Variants in FOXO3 observed in about 807,000 individuals in gnomAD.
FOXO3 encodes the protein forkhead box O3.
A neutral mutation model predicts 41.9 loss-of-function variants in FOXO3; 4 were observed. The observed-to-expected ratio is 0.10, with a 90% CI of 0.05 to 0.22. The LOEUF (loss-of-function observed/expected upper bound fraction) is 0.22, where lower values mean the gene tolerates loss of function less well. Ranked by LOEUF, FOXO3 falls within the 10% of genes least tolerant of loss-of-function variation. FOXO3 has a pLI of 1.00. For missense variants in FOXO3, 534 were observed against 906.8 expected (o/e 0.59, Z 5.28); for synonymous variants, 318 against 389.3 (o/e 0.82, Z 2.16).
Position 108,608,495 on chromosome 6 carries a change from T to TA in FOXO3, c.621+46674dup, listed in dbSNP as rs562730480. 7.2e-5 allele frequency among the ~76,000 whole-genome samples: 11 copies of TA among 152,050 alleles called. No individual in the cohort carries two copies. In the East Asian group the frequency reaches 1.2e-3, roughly 16 times the overall value. ...GAGAACTTTGCAGAACTTTTTGGGT[T>TA]AAAAAAAACAACTACTCTTTTCTGG... On this transcript the variant is annotated intron_variant, in intron 1 of 2. Coordinates refer to ENST00000406360, the MANE Select transcript of FOXO3 (RefSeq NM_001455.4).
At position 108,664,820 on chromosome 6, in the gene FOXO3, A is replaced by C; in HGVS notation, c.1987A>C (p.Lys663Gln). 6.6e-7 allele frequency: 1 copy of C among 1,525,940 alleles called. No homozygotes were observed. The highest frequency in any genetic ancestry group is 8.8e-7 in the Non-Finnish European group (1 of 1,140,932). The allele number at this position is 1,525,940 out of a possible 1,614,324, so 94.5% of individuals were successfully genotyped here. The change falls in exon 2 of 3, where the codon AAG (lysine) becomes CAG (glutamine). Residue 663 changes from lysine (K) to glutamine (Q), a missense_variant. Around this residue, in one of 8 missense-constraint regions of FOXO3, gnomAD observed 94 missense variants for 214.4 expected, o/e 0.44. Coordinates refer to ENST00000406360, the MANE Select transcript of FOXO3 (RefSeq NM_001455.4). ...GAACGTGGGGAACTTCACTGGTGCTAAGCAGGCCTCATCTCAGAGCTGGGT... is the reference window on the plus strand; with the variant it reads ...GAACGTGGGGAACTTCACTGGTGCTCAGCAGGCCTCATCTCAGAGCTGGGT... ...GLNVGNFTGA[K>Q]QASSQSWVPG
intron 1 of FOXO3, among the ~76,000 whole-genome samples, chr6:108,661,228 T>G (rs576236521): frequency 6.6e-6 from 1 of 151,922 alleles, no homozygotes; most frequent in East Asian, 1.9e-4. Context: ...GGTGACAGAG[T>G]GGGACTCTGT....
intron 1 of FOXO3, among the ~76,000 whole-genome samples, chr6:108,601,130 C>T (rs1042842162): frequency 6.6e-6 from 1 of 151,970 alleles, no homozygotes; most frequent in African/African-American, 2.4e-5. Flanking sequence ...GCCTCAGCCT[C>T]CCCAGTAGGT....
At chr6:108,576,516 CTA>C (rs1300717415) in intron 1 of FOXO3, among the ~76,000 whole-genome samples, 2 of 152,206 alleles carry the variant, frequency 1.3e-5, no homozygotes, top group African/African-American at 4.8e-5. Flanking sequence ...TAACGTGCTG[CTA>C]GTGAAAACTG....
chr6:108,618,434 G>A, intron 1 of FOXO3: 1 of 458,796 alleles, frequency 2.2e-6, no homozygotes, highest in South Asian at 2.1e-5. Flanking sequence ...TTGAGTGCTA[G>A]ATTTTGTTGT....
intron 1 of FOXO3, among the ~76,000 whole-genome samples, chr6:108,646,926 C>T (rs1204848557): frequency 6.6e-6 from 1 of 152,140 alleles, no homozygotes; most frequent in Non-Finnish European, 1.5e-5. Flanking sequence ...CTAACTCTTC[C>T]CACTTTCCTT....
At chr6:108,600,344 A>G (rs2802294) in intron 1 of FOXO3, among the ~76,000 whole-genome samples, 149,134 of 152,036 alleles carry the variant, frequency 0.98, 73,214 homozygotes, top group East Asian at 1. Flanking sequence ...TCAGGAATTC[A>G]AGACCAGCCT....
intron 2 of FOXO3, among the ~76,000 whole-genome samples, chr6:108,665,703 C>G (rs765680434): frequency 2.6e-5 from 4 of 151,806 alleles, no homozygotes; most frequent in Admixed American, 2.6e-4. Context: ...ATACCTGTAG[C>G]CCCTGCTTCT....
At chr6:108,675,608 GA>G (rs1770556632) in intron 2 of FOXO3, among the ~76,000 whole-genome samples, 1 of 152,226 alleles carries the variant, frequency 6.6e-6, no homozygotes, top group South Asian at 2.1e-4. Context: ...TCTAGGGGTT[GA>G]AAGTTTGGCT....
In FOXO3 at chr6:108,626,617, C is replaced by CTT. The variant is rs3841314; in HGVS notation, c.622-36829_622-36828dup. Among the ~76,000 whole-genome samples the CTT allele has an allele frequency of 2.2e-3, 332 of 149,192 alleles. 2 individuals are homozygous for CTT. Among genetic ancestry groups the CTT allele is most frequent in the African/African-American group, 7.0e-3 (287 of 40,830 alleles). ...TTTCCAAGAATCACTGATTATATAG[C>CTT]TTTTTTTTTTAAGTTTAAGCCCATA... is the stretch of plus-strand genomic sequence containing the variant. On this transcript the variant is annotated intron_variant, in intron 1 of 2. Coordinates refer to ENST00000406360, the MANE Select transcript of FOXO3 (RefSeq NM_001455.4).
Position 108,660,572 on chromosome 6 carries a change from T to C in FOXO3, c.622-2883T>C, listed in dbSNP as rs540529386. 5.3e-5 allele frequency among the ~76,000 whole-genome samples: 8 copies of C among 152,322 alleles called. No homozygotes were observed. In the South Asian group the frequency reaches 1.7e-3, roughly 32 times the overall value. Reference sequence around the variant, plus strand: ...AAAATCCTGCTGACATTCTGTGTTTTTAAAACATTCTGGGCTGGGCGTGGT... The same window carrying C: ...AAAATCCTGCTGACATTCTGTGTTTCTAAAACATTCTGGGCTGGGCGTGGT... On this transcript the variant is annotated intron_variant, in intron 1 of 2. Transcript: ENST00000406360.
At chr6:108,635,695 C>T (rs541593598) in intron 1 of FOXO3, among the ~76,000 whole-genome samples, 2 of 152,212 alleles carry the variant, frequency 1.3e-5, no homozygotes, top group African/African-American at 4.8e-5. Flanking sequence ...GGTGGCGAAA[C>T]GATTGGCCAC....
In FOXO3 at chr6:108,664,831, A is replaced by G. The variant is rs745375582; in HGVS notation, c.1998A>G (p.Ser666=). 1 of 1,551,938 alleles carries G rather than the reference A, an allele frequency of 6.4e-7. No individual in the cohort carries two copies. Among genetic ancestry groups the G allele is most frequent in the South Asian group, 1.3e-5 (1 of 78,986 alleles). Residue 666 remains serine (S), a synonymous_variant, in exon 2 of 3, where the codon TCA becomes TCG. Transcript: ENST00000406360. ...ACTTCACTGGTGCTAAGCAGGCCTC[A>G]TCTCAGAGCTGGGTGCCAGGCTGAA... ...VGNFTGAKQA[S]SQSWVPG is the part of the protein sequence containing the mutation.
intron 1 of FOXO3, among the ~76,000 whole-genome samples, chr6:108,599,095 TTG>T (rs1335732320): frequency 6.6e-6 from 1 of 152,182 alleles, no homozygotes; most frequent in Non-Finnish European, 1.5e-5. Flanking sequence ...CAGAGTAACT[TTG>T]TGAGAGCAAG....
Position 108,585,022 on chromosome 6 carries a change from CTTTTTTTT to C in FOXO3, c.621+23216_621+23223del, listed in dbSNP as rs1159028928. ...CACCAAGAATTGCTATCTCCAAAATCTTTTTTTTTTTTTTTTTTTTTTTTTTTTTTGAG... is the reference window on the plus strand; with the variant it reads ...CACCAAGAATTGCTATCTCCAAAATCTTTTTTTTTTTTTTTTTTTTTTGAG... On this transcript the variant is annotated intron_variant, in intron 1 of 2. Coordinates refer to ENST00000406360, the MANE Select transcript of FOXO3 (RefSeq NM_001455.4). Among the ~76,000 whole-genome samples, 177 of 51,510 alleles carry C rather than the reference CTTTTTTTT, an allele frequency of 3.4e-3. No homozygotes were observed. The Middle Eastern group carries it at 0.11, about 31-fold the overall frequency. 33.8% of individuals were successfully genotyped at this position (51,510 alleles called of 152,430 possible).
intron 1 of FOXO3, among the ~76,000 whole-genome samples, chr6:108,610,119 A>G (rs569632477): frequency 6.6e-6 from 1 of 152,236 alleles, no homozygotes; most frequent in African/African-American, 2.4e-5. Context: ...CAGGCTTTAC[A>G]ATGGCTATTT....
intron 1 of FOXO3, among the ~76,000 whole-genome samples, chr6:108,653,545 G>C (rs1226631343): frequency 6.6e-6 from 1 of 152,014 alleles, no homozygotes; most frequent in African/African-American, 2.4e-5. Flanking sequence ...TGGTCCTCAG[G>C]GTCTGCGACT....
At chr6:108,572,822 A>G (rs1005978941) in intron 1 of FOXO3, among the ~76,000 whole-genome samples, 1 of 152,188 alleles carries the variant, frequency 6.6e-6, no homozygotes, top group Non-Finnish European at 1.5e-5. Context: ...TCTATAAGAT[A>G]GGCATTTAAA....
intron 2 of FOXO3, among the ~76,000 whole-genome samples, chr6:108,667,041 C>T (rs763331071): frequency 9.9e-5 from 15 of 152,208 alleles, no homozygotes; most frequent in Non-Finnish European, 1.6e-4. Flanking sequence ...GGTGAGCTCA[C>T]TCCAGCTCAC....
Sources: allele counts gnomAD v4.1 joint callset (sites outside exome capture counted in the v4.1 genomes callset), GRCh38; gene constraint gnomAD v4.1.1; regional missense constraint gnomAD v4.1.1; transcripts MANE v1.5; gene names NCBI Gene and HGNC (gene_info 2026-07-23, HGNC 2026-07-21).